The following LRRTM4 variants were observed in gnomAD, a reference collection of about 807,000 sequenced individuals.
The protein encoded by LRRTM4 is leucine-rich repeat transmembrane neuronal protein 4.
LRRTM4 carries 25 observed loss-of-function variants against 47.6 expected under a neutral mutation model. The observed-to-expected ratio is 0.53, with a 90% confidence interval of 0.38 to 0.73. The LOEUF (loss-of-function observed/expected upper bound fraction) is 0.73. Ranked by LOEUF, LRRTM4 falls within the 30% of genes least tolerant of loss-of-function variation. The pLI, the probability that LRRTM4 is intolerant of heterozygous loss-of-function variation, is 0.00. For synonymous variants in LRRTM4, 311 were observed against 269.5 expected, an observed-to-expected ratio of 1.15 and a Z score of -1.51; for missense variants, 638 against 713.4, an observed-to-expected ratio of 0.89 and a Z score of 1.20.
chr2:77,070,042 G>T (rs1680098649), intron 3 of LRRTM4, among the ~76,000 whole-genome samples: 1 of 151,810 alleles, frequency 6.6e-6, no homozygotes, highest in Non-Finnish European at 1.5e-5. Context: ...GTACTGCACA[G>T]ATCAGATTAT....
At chr2:77,362,119 A>AAGAAAGAAAGAG (rs1672243502) in intron 3 of LRRTM4, among the ~76,000 whole-genome samples, 1 of 101,896 alleles carries the variant, frequency 9.8e-6, no homozygotes, top group South Asian at 3.4e-4. Flanking sequence ...GAAAGAGAGA[A>AAGAAAGAAAGAG]AGAAAGAAAG....
chr2:77,237,156 C>A (rs1177048843), intron 3 of LRRTM4, among the ~76,000 whole-genome samples: 2 of 123,002 alleles, frequency 1.6e-5, no homozygotes, highest in African/African-American at 2.9e-5. Flanking sequence ...GTGAATTCAT[C>A]TTGTTGGGGG....
At chr2:76,929,204 T>TAG (rs1674686691) in intron 3 of LRRTM4, among the ~76,000 whole-genome samples, 1 of 152,150 alleles carries the variant, frequency 6.6e-6, no homozygotes, top group Non-Finnish European at 1.5e-5. Flanking sequence ...GGACCAGACA[T>TAG]ATCACTGGAA....
At chr2:77,362,883 G>A (rs138616600) in intron 3 of LRRTM4, among the ~76,000 whole-genome samples, 84 of 152,214 alleles carry the variant, frequency 5.5e-4, no homozygotes, top group African/African-American at 1.9e-3. Flanking sequence ...CAAGCTGACC[G>A]AGTCAATATT....
chr2:77,183,936 T>G (rs988523522), intron 3 of LRRTM4, among the ~76,000 whole-genome samples: 1 of 151,746 alleles, frequency 6.6e-6, no homozygotes, highest in African/African-American at 2.4e-5. Context: ...CTGTCGTGGG[T>G]TGGGGAGAGG....
intron 3 of LRRTM4, among the ~76,000 whole-genome samples, chr2:76,756,302 A>G (rs1304550497): frequency 6.6e-6 from 1 of 152,086 alleles, no homozygotes; most frequent in Non-Finnish European, 1.5e-5. Flanking sequence ...TGGCTTCCGT[A>G]TATTCTGACT....
At chr2:76,996,464 G>A (rs779798369) in intron 3 of LRRTM4, among the ~76,000 whole-genome samples, 1 of 151,944 alleles carries the variant, frequency 6.6e-6, no homozygotes, top group Non-Finnish European at 1.5e-5. Context: ...ATTAAGCGAG[G>A]TTACTTCTTT....
At chr2:77,110,643 A>T (rs1327034898) in intron 3 of LRRTM4, among the ~76,000 whole-genome samples, 1 of 152,170 alleles carries the variant, frequency 6.6e-6, no homozygotes, top group African/African-American at 2.4e-5. Flanking sequence ...TCTGACCCTT[A>T]ACAAGAATGG....
At chr2:77,120,854 C>T (rs1671504022) in intron 3 of LRRTM4, among the ~76,000 whole-genome samples, 1 of 151,746 alleles carries the variant, frequency 6.6e-6, no homozygotes, top group African/African-American at 2.4e-5. Flanking sequence ...CCTTTTTCTA[C>T]CAACATTTCT....
intron 3 of LRRTM4, among the ~76,000 whole-genome samples, chr2:77,004,696 C>T (rs1677570026): frequency 6.6e-6 from 1 of 152,108 alleles, no homozygotes; most frequent in Non-Finnish European, 1.5e-5. Context: ...GATCCACTGA[C>T]AACTTTTGTC....
chr2:77,012,481 T>A (rs1346025436), intron 3 of LRRTM4, among the ~76,000 whole-genome samples: 1 of 152,132 alleles, frequency 6.6e-6, no homozygotes, highest in East Asian at 1.9e-4. Context: ...GACACAAACA[T>A]AAAATCATTT....
chr2:76,848,821 A>T (rs1022583845), intron 3 of LRRTM4, among the ~76,000 whole-genome samples: 16 of 152,184 alleles, frequency 1.1e-4, no homozygotes, highest in African/African-American at 3.9e-4. Flanking sequence ...GAATATTTGG[A>T]ACAAGAATTT....
At chr2:77,422,481 T>C (rs1674939834) in intron 3 of LRRTM4, among the ~76,000 whole-genome samples, 1 of 152,220 alleles carries the variant, frequency 6.6e-6, no homozygotes, top group South Asian at 2.1e-4. Flanking sequence ...TCACAGTTTT[T>C]TCAAGAAGTA....
At chr2:76,966,075 T>C (rs1392717002) in intron 3 of LRRTM4, among the ~76,000 whole-genome samples, 1 of 151,562 alleles carries the variant, frequency 6.6e-6, no homozygotes, top group Non-Finnish European at 1.5e-5. Context: ...AGATGAAATC[T>C]ATACTAGGAT....
chr2:77,011,903 C>T (rs1322056201), intron 3 of LRRTM4, among the ~76,000 whole-genome samples: 2 of 151,826 alleles, frequency 1.3e-5, no homozygotes, highest in African/African-American at 4.8e-5. Context: ...TGGTTGAGAC[C>T]TCAGAACTGC....
chr2:77,492,569 T>C (rs1678210108), intron 3 of LRRTM4, among the ~76,000 whole-genome samples: 1 of 152,112 alleles, frequency 6.6e-6, no homozygotes, highest in Non-Finnish European at 1.5e-5. Context: ...TCACTATACA[T>C]TTCTAATTGG....
At chr2:76,807,437 C>CACATATATATATAT (rs1558667459) in intron 3 of LRRTM4, among the ~76,000 whole-genome samples, 21 of 34,278 alleles carry the variant, frequency 6.1e-4, no homozygotes, top group Admixed American at 4.4e-3. Context: ...TATATATATA[C>CACATATATATATAT]GTATATACAT....
At chr2:77,137,490 G>A (rs1184100310) in intron 3 of LRRTM4, among the ~76,000 whole-genome samples, 1 of 151,596 alleles carries the variant, frequency 6.6e-6, no homozygotes. Context: ...AACATGGAAA[G>A]GAACAATCAG....
chr2:76,772,588 A>G (rs1352318390), intron 3 of LRRTM4, among the ~76,000 whole-genome samples: 1 of 152,148 alleles, frequency 6.6e-6, no homozygotes. Flanking sequence ...TTTTTGGCCT[A>G]TAAGCCCCTG....
Sources: allele counts gnomAD v4.1 joint callset (sites outside exome capture counted in the v4.1 genomes callset), GRCh38; gene constraint gnomAD v4.1.1; transcripts MANE v1.5; gene names NCBI Gene and HGNC (gene_info 2026-07-23, HGNC 2026-07-21).